The following TAS1R3 variants were observed in gnomAD, a reference collection of about 807,000 sequenced individuals.
TAS1R3 encodes taste 1 receptor member 3.
Under a neutral mutation model 46.1 loss-of-function variants are expected in TAS1R3, and 58 were observed. That is an observed-to-expected ratio of 1.26 (90% CI 1.02 to 1.57). The LOEUF (loss-of-function observed/expected upper bound fraction) is 1.57, where lower values mean the gene tolerates loss of function less well. TAS1R3 is among the 40% of genes most tolerant of loss of function. The probability of loss-of-function intolerance (pLI) is 0.00; values close to 1 mark genes in which losing one functional copy is unlikely to be tolerated. For missense variants in TAS1R3, 1,422 were observed against 1,185.8 expected, an observed-to-expected ratio of 1.20 and a Z score of -2.93; for synonymous variants, 724 against 544.7, an observed-to-expected ratio of 1.33 and a Z score of -4.58.
chr1:1,332,284 G>A lies in TAS1R3; in HGVS notation c.753G>A (p.Ser251=), dbSNP rs144790916. The A allele has an allele frequency of 1.7e-4, 276 of 1,604,194 alleles. 1 individual carries two copies. The African/African-American group carries it at 3.0e-3, about 17-fold the overall frequency. ...GLVPLPRADD[S]RLGKVQDVLH... is the part of the protein sequence containing the mutation. ...TGCCGCTGCCCCGTGCCGATGACTC[G>A]CGGCTGGGGAAGGTGCAGGACGTCC... Residue 251 remains serine (S), a synonymous_variant, in exon 3 of 6, where the codon TCG becomes TCA. Coordinates refer to ENST00000339381, the MANE Select transcript of TAS1R3 (RefSeq NM_152228.3).
chr1:1,331,624 C>T lies in TAS1R3; in HGVS notation c.192-14C>T. 2 of 1,607,904 alleles carry T rather than the reference C, an allele frequency of 1.2e-6. No homozygotes were observed. Among genetic ancestry groups the T allele is most frequent in the Non-Finnish European group, 1.7e-6 (2 of 1,176,330 alleles). The stretch of plus-strand genomic sequence containing the variant: ...GGGGCCGAGGTGGCCATCTGCGGTT[C>T]TGTGTGGCCCCAGGTTCTCCTCAAA... On this transcript the variant is annotated splice_polypyrimidine_tract_variant and intron_variant, in intron 1 of 5. Transcript: ENST00000339381.
rs750161232 is a variant in TAS1R3 at position 1,332,222 on chromosome 1, G to A, written c.691G>A (p.Ala231Thr). Residue 231 changes from alanine (A) to threonine (T), a missense_variant, in exon 3 of 6, where the codon GCG (alanine) becomes ACG (threonine). Physicochemically the swap from Ala to Thr is moderately conservative, Grantham distance 58 (BLOSUM62 0). Coordinates refer to ENST00000339381, the MANE Select transcript of TAS1R3 (RefSeq NM_152228.3). ...QGLSIFSALA[A>T]ARGICIAHEG... ...CCTGAGCATCTTCTCGGCCCTGGCC[G>A]CGGCACGCGGCATCTGCATCGCGCA... 2.8e-5 allele frequency: 45 copies of A among 1,591,972 alleles called. No individual in the cohort carries two copies. The highest frequency in any genetic ancestry group is 1.1e-4 in the East Asian group (5 of 44,546).
Position 1,333,605 on chromosome 1 carries a change from C to T in TAS1R3, c.1700C>T (p.Pro567Leu), listed in dbSNP as rs754033244. ...RRSRFLAWGEPAVLLLLLLLS... is the reference protein window; with the variant it reads ...RRSRFLAWGELAVLLLLLLLS... ...TCTCGGTTCCTGGCATGGGGCGAGCCGGCTGTGCTGCTGCTGCTCCTGCTG... is the reference window on the plus strand; with the variant it reads ...TCTCGGTTCCTGGCATGGGGCGAGCTGGCTGTGCTGCTGCTGCTCCTGCTG... Residue 567 changes from proline (P) to leucine (L), a missense_variant, in exon 6 of 6, where the codon CCG becomes CTG. Coordinates refer to ENST00000339381, the MANE Select transcript of TAS1R3 (RefSeq NM_152228.3). The T allele has an allele frequency of 2.7e-5, 44 of 1,609,822 alleles. No individual in the cohort carries two copies. Among genetic ancestry groups the T allele is most frequent in the African/African-American group, 1.6e-4 (12 of 74,944 alleles).
chr1:1,333,067 C>T lies in TAS1R3; in HGVS notation c.1422C>T (p.Phe474=), dbSNP rs1330836165. Residue 474 remains phenylalanine, a synonymous_variant, in exon 4 of 6, where the codon TTC becomes TTT. Transcript: ENST00000339381. ...CCAGGCTCCACGACGTGGGCAGGTT[C>T]AACGGCAGCCTCAGGACAGAGCGCC... is the stretch of plus-strand genomic sequence containing the variant. ...SVPRLHDVGR[F]NGSLRTERLK... 1.2e-6 allele frequency: 2 copies of T among 1,612,686 alleles called. No homozygotes were observed. Among genetic ancestry groups the T allele is most frequent in the African/African-American group, 1.3e-5 (1 of 75,046 alleles).
rs764727724 is a variant in TAS1R3 at position 1,332,100 on chromosome 1, A to T, written c.569A>T (p.Asp190Val). ...FPSFFRTVPS[D>V]RVQLTAAAEL... ...TCCTTCTTCCGCACCGTGCCCAGCG[A>T]CCGTGTGCAGCTGACGGCCGCCGCG... Residue 190 changes from aspartate to valine, a missense_variant, in exon 3 of 6, where the codon GAC becomes GTC. Physicochemically the swap from Asp to Val is radical, Grantham distance 152 (BLOSUM62 -3). Coordinates refer to ENST00000339381, the MANE Select transcript of TAS1R3 (RefSeq NM_152228.3). 21 of 1,600,664 alleles carry T rather than the reference A, an allele frequency of 1.3e-5. No individual in the cohort carries two copies. The highest frequency in any genetic ancestry group is 1.1e-4 in the South Asian group (10 of 91,078).
In TAS1R3 at chr1:1,331,948, C is replaced by T; in HGVS notation, c.492+10C>T. ...CTTCCTCATGCCCCAGGTGGGCGCC[C>T]CCCACCATCACCCACCCCCACCCAG... On this transcript the variant is annotated intron_variant, in intron 2 of 5. Transcript: ENST00000339381. The T allele has an allele frequency of 6.2e-7, 1 of 1,608,976 alleles. No homozygotes were observed. Among genetic ancestry groups the T allele is most frequent in the Non-Finnish European group, 8.5e-7 (1 of 1,177,452 alleles).
Position 1,333,486 on chromosome 1 carries a change from G to A in TAS1R3, c.1601-20G>A, listed in dbSNP as rs369848589. 6.7e-5 allele frequency: 107 copies of A among 1,599,682 alleles called. No individual in the cohort carries two copies. The highest frequency in any genetic ancestry group is 6.6e-4 in the Middle Eastern group (4 of 6,070). On this transcript the variant is annotated intron_variant, in intron 5 of 5. Transcript: ENST00000339381. ...ACAGGGTACAAGACGAACACCCAGCGCCCTTCTCCTCTCTCACAGACGACA... is the reference window on the plus strand; with the variant it reads ...ACAGGGTACAAGACGAACACCCAGCACCCTTCTCCTCTCTCACAGACGACA...
chr1:1,333,667 G>A lies in TAS1R3; in HGVS notation c.1762G>A (p.Gly588Arg), dbSNP rs1481219365. ...GCTGGGCCTTGTGCTGGCTGCTTTG[G>A]GGCTGTTCGTTCACCATCGGGACAG... is the stretch of plus-strand genomic sequence containing the variant. The part of the protein sequence containing the change: ...LALGLVLAAL[G>R]LFVHHRDSPL... The change falls in exon 6 of 6, where the codon GGG (glycine) becomes AGG (arginine). Residue 588 changes from glycine to arginine, a missense_variant. Coordinates refer to ENST00000339381, the MANE Select transcript of TAS1R3 (RefSeq NM_152228.3). 2 of 1,611,972 alleles carry A rather than the reference G, an allele frequency of 1.2e-6. No individual in the cohort carries two copies. Among genetic ancestry groups the A allele is most frequent in the African/African-American group, 1.3e-5 (1 of 74,940 alleles).
In TAS1R3 at chr1:1,332,059, C is replaced by G; in HGVS notation, c.528C>G (p.Ala176=). ...SYGASMELLS[A]RETFPSFFRT... ...GTGCTAGCATGGAGCTGCTGAGCGC[C>G]CGGGAGACCTTCCCCTCCTTCTTCC... The change falls in exon 3 of 6, where the codon GCC becomes GCG. Residue 176 remains alanine (A), a synonymous_variant. Coordinates refer to ENST00000339381, the MANE Select transcript of TAS1R3 (RefSeq NM_152228.3). The G allele has an allele frequency of 1.9e-6, 3 of 1,605,368 alleles. No individual in the cohort carries two copies. The highest frequency in any genetic ancestry group is 2.5e-6 in the Non-Finnish European group (3 of 1,179,894).
rs567568163 is a variant in TAS1R3 at position 1,331,867 on chromosome 1, G to C, written c.421G>C (p.Val141Leu). The change falls in exon 2 of 6, where the codon GTC (valine) becomes CTC (leucine). Residue 141 changes from valine to leucine, a missense_variant. Transcript: ENST00000339381. ...GCAGTACCAGCCCCGTGTGCTGGCT[G>C]TCATCGGGCCCCACTCGTCAGAGCT... ...YTQYQPRVLAVIGPHSSELAM... is the reference protein window; with the variant it reads ...YTQYQPRVLALIGPHSSELAM... The C allele has an allele frequency of 6.2e-7, 1 of 1,612,914 alleles. No homozygotes were observed. The highest frequency in any genetic ancestry group is 1.1e-5 in the South Asian group (1 of 91,086).
chr1:1,333,503 C>G lies in TAS1R3; in HGVS notation c.1601-3C>G. On this transcript the variant is annotated splice_region_variant and splice_polypyrimidine_tract_variant and intron_variant, in intron 5 of 5. Coordinates refer to ENST00000339381, the MANE Select transcript of TAS1R3 (RefSeq NM_152228.3). ...CACCCAGCGCCCTTCTCCTCTCTCACAGACGACATCGCCTGCACCTTTTGT... is the reference window on the plus strand; with the variant it reads ...CACCCAGCGCCCTTCTCCTCTCTCAGAGACGACATCGCCTGCACCTTTTGT... The G allele has an allele frequency of 1.2e-6, 2 of 1,600,672 alleles. No individual in the cohort carries two copies. The highest frequency in any genetic ancestry group is 1.1e-5 in the South Asian group (1 of 90,996).
rs147581582 is a variant in TAS1R3 at position 1,334,380 on chromosome 1, C to T, written c.2475C>T (p.Thr825=). Residue 825 remains threonine, a synonymous_variant, in exon 6 of 6, where the codon ACC becomes ACT. Transcript: ENST00000339381. The stretch of plus-strand genomic sequence containing the variant: ...TCATGCGGCAGCCAGGGCTCAACAC[C>T]CCCGAGTTCTTCCTGGGAGGGGGCC... The part of the protein sequence containing the change: ...YLLMRQPGLN[T]PEFFLGGGPG... 2.5e-6 allele frequency: 4 copies of T among 1,610,338 alleles called. No individual in the cohort carries two copies. The highest frequency in any genetic ancestry group is 1.6e-4 in the Middle Eastern group (1 of 6,074).
rs1479676207 is a variant in TAS1R3, at chr1:1,332,127, A to G, written c.596A>G (p.Glu199Gly). Residue 199 changes from glutamate (E) to glycine (G), a missense_variant, in exon 3 of 6, where the codon GAG (glutamate) becomes GGG (glycine). Glu to Gly is a moderately conservative substitution (Grantham distance 98). Transcript: ENST00000339381. ...SDRVQLTAAA[E>G]LLQEFGWNWV... ...CGTGTGCAGCTGACGGCCGCCGCGG[A>G]GCTGCTGCAGGAGTTCGGCTGGAAC... 6.3e-7 allele frequency: 1 copy of G among 1,599,286 alleles called. No homozygotes were observed. The highest frequency in any genetic ancestry group is 8.5e-7 in the Non-Finnish European group (1 of 1,179,692).
At position 1,334,610 on chromosome 1, in the gene TAS1R3, C is replaced by A; in HGVS notation, c.*146C>A. 1 of 931,912 alleles carries A rather than the reference C, an allele frequency of 1.1e-6. No individual in the cohort carries two copies. Among genetic ancestry groups the A allele is most frequent in the African/African-American group, 1.7e-5 (1 of 59,652 alleles). The allele number at this position is 931,912 out of a possible 1,614,324, so 57.7% of individuals were successfully genotyped here. On this transcript the variant is annotated 3_prime_UTR_variant, in exon 6 of 6. Coordinates refer to ENST00000339381, the MANE Select transcript of TAS1R3 (RefSeq NM_152228.3). ...TCCTGACCCTGACCCCACAGTGAGC[C>A]CTAGGCCTGGAGCACGTGGACACCC...
rs145748107 is a variant in TAS1R3, at chr1:1,333,601, G to A, written c.1696G>A (p.Glu566Lys). 43 of 1,609,360 alleles carry A rather than the reference G, an allele frequency of 2.7e-5. No homozygotes were observed. The highest frequency in any genetic ancestry group is 4.5e-5 in the East Asian group (2 of 44,892). Residue 566 changes from glutamate (E) to lysine (K), a missense_variant, in exon 6 of 6, where the codon GAG (glutamate) becomes AAG (lysine). Physicochemically the swap from Glu to Lys is moderately conservative, Grantham distance 56. Transcript: ENST00000339381. ...CAGGTCTCGGTTCCTGGCATGGGGC[G>A]AGCCGGCTGTGCTGCTGCTGCTCCT... ...RRRSRFLAWG[E>K]PAVLLLLLLL...
rs1286905107 is a variant in TAS1R3, at chr1:1,332,383, C to T, written c.852C>T (p.Phe284=). The T allele has an allele frequency of 6.2e-7, 1 of 1,601,844 alleles. No individual in the cohort carries two copies. Residue 284 remains phenylalanine (F), a synonymous_variant, in exon 3 of 6, where the codon TTC becomes TTT. Transcript: ENST00000339381. The part of the protein sequence containing the change: ...FASVHAAHAL[F]NYSISSRLSP... ...CCGTGCACGCCGCCCACGCCCTCTT[C>T]AACTACAGCATCAGCAGCAGGCTCT...
Position 1,332,734 on chromosome 1 carries a change from C to T in TAS1R3, c.1203C>T (p.Ala401=). 6.2e-7 allele frequency: 1 copy of T among 1,604,806 alleles called. No individual in the cohort carries two copies. The highest frequency in any genetic ancestry group is 8.5e-7 in the Non-Finnish European group (1 of 1,179,910). The part of the protein sequence containing the change: ...FSVYAAVYSV[A]QALHNTLQCN... ...TCTACGCAGCTGTGTATAGCGTGGC[C>T]CAGGCCCTGCACAACACTCTTCAGT... Residue 401 remains alanine (A), a synonymous_variant, in exon 3 of 6, where the codon GCC becomes GCT. Coordinates refer to ENST00000339381, the MANE Select transcript of TAS1R3 (RefSeq NM_152228.3).
Position 1,333,676 on chromosome 1 carries a change from G to A in TAS1R3, c.1771G>A (p.Val591Ile), listed in dbSNP as rs778472885. The A allele has an allele frequency of 2.4e-5, 39 of 1,611,818 alleles. No homozygotes were observed. The highest frequency in any genetic ancestry group is 4.0e-5 in the African/African-American group (3 of 74,942). The change falls in exon 6 of 6, where the codon GTT becomes ATT. Residue 591 changes from valine to isoleucine, a missense_variant. Coordinates refer to ENST00000339381, the MANE Select transcript of TAS1R3 (RefSeq NM_152228.3). ...TGTGCTGGCTGCTTTGGGGCTGTTC[G>A]TTCACCATCGGGACAGCCCACTGGT... is the stretch of plus-strand genomic sequence containing the variant. ...GLVLAALGLFVHHRDSPLVQA... is the reference protein window; with the variant it reads ...GLVLAALGLFIHHRDSPLVQA...
rs754579530 is a variant in TAS1R3, at chr1:1,331,712, T to C, written c.266T>C (p.Leu89Pro). 29 of 1,612,844 alleles carry C rather than the reference T, an allele frequency of 1.8e-5. No homozygotes were observed. The highest frequency in any genetic ancestry group is 2.2e-5 in the East Asian group (1 of 44,888). The change falls in exon 2 of 6, where the codon CTG becomes CCG. Residue 89 changes from leucine to proline, a missense_variant. Coordinates refer to ENST00000339381, the MANE Select transcript of TAS1R3 (RefSeq NM_152228.3). Reference protein sequence around the residue: ...AVEEINNKSDLLPGLRLGYDL... With the variant: ...AVEEINNKSDPLPGLRLGYDL... ...GAGGAGATCAACAACAAGTCGGATC[T>C]GCTGCCCGGGCTGCGCCTGGGCTAC...
Sources: gnomAD v4.1 joint callset for allele counts on GRCh38, gnomAD v4.1.1 for gene constraint, MANE v1.5 for transcripts, NCBI Gene and HGNC (gene_info 2026-07-23, HGNC 2026-07-21) for gene names.